DIAPH1: variants seen among roughly 807,000 people sequenced by gnomAD.
DIAPH1 encodes the protein protein diaphanous homolog 1.
Under a neutral mutation model 140.7 loss-of-function variants are expected in DIAPH1, and 46 were observed. The observed-to-expected ratio is 0.33, with a 90% CI of 0.26 to 0.42. The LOEUF is 0.42. DIAPH1 is among the 10% of genes least tolerant of loss of function. DIAPH1 has a pLI of 1.00. For synonymous variants in DIAPH1, 565 were observed against 551.6 expected (o/e 1.02, Z -0.34); for missense variants, 1,310 against 1,558.7 (o/e 0.84, Z 2.69).
At chr5:141,582,211 G>T in intron 7 of DIAPH1, 101 bp downstream of exon 7, 2 of 847,054 alleles carry the variant, frequency 2.4e-6, no homozygotes, top group Non-Finnish European at 4.1e-6. Flanking sequence ...AAAGCTAGAA[G>T]TCCTGAACCT....
In DIAPH1 at chr5:141,527,627, A is replaced by C. The variant is rs773708839; in HGVS notation, c.3219T>G (p.Val1073=). The part of the protein sequence containing the change: ...KKQISDVERD[V]QNFPAATDEK... ...CATCTGTGGCAGCTGGGAAATTCTG[A>C]ACATCACGTTCCACATCAGAAATTT... The change falls in exon 24 of 28, where the codon GTT becomes GTG. Residue 1073 remains valine (V), a synonymous_variant. Coordinates refer to ENST00000389054, the MANE Select transcript of DIAPH1 (RefSeq NM_005219.5). The C allele has an allele frequency of 1.9e-6, 3 of 1,612,782 alleles. No individual in the cohort carries two copies. The Admixed American group carries it at 5.0e-5, about 27-fold the overall frequency.
intron 23 of DIAPH1, among the ~76,000 whole-genome samples, chr5:141,528,099 ATGC>A (rs1377517462): frequency 3.3e-5 from 5 of 152,180 alleles, no homozygotes; most frequent in African/African-American, 1.2e-4. Flanking sequence ...TTTCCAGTGA[ATGC>A]TGCTTTTTCT....
At chr5:141,532,108 T>A (rs1314138972) in intron 19 of DIAPH1, among the ~76,000 whole-genome samples, 1 of 152,202 alleles carries the variant, frequency 6.6e-6, no homozygotes, top group Admixed American at 6.5e-5. Context: ...CACAATGTTA[T>A]CTCATGCTCT....
chr5:141,615,910 C>A (rs143689804), intron 1 of DIAPH1, among the ~76,000 whole-genome samples: 10 of 152,164 alleles, frequency 6.6e-5, no homozygotes, highest in African/African-American at 9.7e-5. Context: ...ATTCCCCTTA[C>A]GTATATTTTG....
intron 3 of DIAPH1, among the ~76,000 whole-genome samples, chr5:141,586,778 G>T (rs1037231941): frequency 1.2e-4 from 18 of 152,170 alleles, no homozygotes; most frequent in Non-Finnish European, 2.2e-4. Flanking sequence ...GGTCCACTAC[G>T]TCTTTGTGGC....
chr5:141,604,843 C>T (rs867974521), intron 1 of DIAPH1, among the ~76,000 whole-genome samples: 68 of 151,966 alleles, frequency 4.5e-4, no homozygotes, highest in African/African-American at 1.2e-3. Flanking sequence ...TTTTTTGGCC[C>T]GGTACACATT....
In DIAPH1 at chr5:141,560,889, T is replaced by TC. The variant is rs777202555; in HGVS notation, c.2482+10538dup. On this transcript the variant is annotated intron_variant, in intron 18 of 27. Coordinates refer to ENST00000389054, the MANE Select transcript of DIAPH1 (RefSeq NM_005219.5). ...GGTTTTCGTCATACTGCTGTTTTTT[T>TC]CCCTTCTTTGTTCCTGAGGTGGAAG... is the stretch of plus-strand genomic sequence containing the variant. The TC allele has an allele frequency of 1.5e-3, 671 of 453,580 alleles. 1 individual carries two copies. The highest frequency in any genetic ancestry group is 2.1e-3 in the South Asian group (134 of 64,278). 28.1% of individuals were successfully genotyped at this position (453,580 alleles called of 1,614,324 possible).
intron 18 of DIAPH1, among the ~76,000 whole-genome samples, chr5:141,539,537 TG>T: frequency 6.6e-6 from 1 of 151,548 alleles, no homozygotes. Context: ...CCCAAAGTGC[TG>T]GGATTACAGG....
intron 18 of DIAPH1, among the ~76,000 whole-genome samples, chr5:141,558,071 TC>T (rs1395747996): frequency 6.6e-6 from 1 of 152,124 alleles, no homozygotes; most frequent in East Asian, 1.9e-4. Flanking sequence ...TGTTTTATGT[TC>T]TTCACTACTT....
intron 19 of DIAPH1, among the ~76,000 whole-genome samples, chr5:141,533,817 T>A (rs916139825): frequency 6.6e-6 from 1 of 152,120 alleles, no homozygotes; most frequent in Non-Finnish European, 1.5e-5. Flanking sequence ...GCTGGGCAGA[T>A]CACCTGAGCC....
intron 3 of DIAPH1, 63 bp downstream of exon 3, chr5:141,586,979 A>G (rs1345126878): frequency 4.4e-6 from 7 of 1,582,192 alleles, no homozygotes; most frequent in Admixed American, 1.7e-5. Context: ...TATGCACCAA[A>G]AAGAGCCCAC....
At chr5:141,555,609 C>A (rs971680627) in intron 18 of DIAPH1, among the ~76,000 whole-genome samples, 2 of 152,136 alleles carry the variant, frequency 1.3e-5, no homozygotes. Context: ...GTCCCTCACC[C>A]TAAAAACAAC....
intron 18 of DIAPH1, among the ~76,000 whole-genome samples, chr5:141,558,109 A>T (rs189628368): frequency 1.3e-5 from 2 of 152,326 alleles, no homozygotes; most frequent in Admixed American, 6.5e-5. Flanking sequence ...TCAGTCCTAC[A>T]GAGTCCAAGT....
chr5:141,568,446 A>G (rs2099894696), intron 18 of DIAPH1, among the ~76,000 whole-genome samples: 1 of 152,214 alleles, frequency 6.6e-6, no homozygotes, highest in South Asian at 2.1e-4. Context: ...AATTCAAAAT[A>G]TTCTCTGGCA....
At chr5:141,525,943 G>A in intron 26 of DIAPH1, 95 bp downstream of exon 26, 1 of 1,592,250 alleles carries the variant, frequency 6.3e-7, no homozygotes, top group East Asian at 2.2e-5. Flanking sequence ...TTGCCAGGAG[G>A]TGAGCTCAGA....
intron 27 of DIAPH1, among the ~76,000 whole-genome samples, chr5:141,517,245 GT>G (rs1014678167): frequency 6.6e-6 from 1 of 152,198 alleles, no homozygotes; most frequent in Non-Finnish European, 1.5e-5. Context: ...TTGCTTCCCT[GT>G]GTGAAAACAG....
chr5:141,615,479 C>A lies in DIAPH1; in HGVS notation c.117+3319G>T, dbSNP rs193046228. 3.8e-3 allele frequency among the ~76,000 whole-genome samples: 571 copies of A among 150,500 alleles called. 5 individuals carry two copies. Among genetic ancestry groups the A allele is most frequent in the Admixed American group, 0.011 (162 of 15,088 alleles). ...AAAAAGGGCCGCACGCGGTGGCTCA[C>A]GCCTGTAATCCCAGCACTTTGGGAG... is the stretch of plus-strand genomic sequence containing the variant. On this transcript the variant is annotated intron_variant, in intron 1 of 27. Coordinates refer to ENST00000389054, the MANE Select transcript of DIAPH1 (RefSeq NM_005219.5).
In DIAPH1 at chr5:141,565,915, G is replaced by A. The variant is rs1345894606; in HGVS notation, c.2482+5513C>T. ...CAGTTTTGTGGTATTCTCCAGCCAT[G>A]TTCAGTTGCACAGCTACAGGAGCAG... On this transcript the variant is annotated intron_variant, in intron 18 of 27. Transcript: ENST00000389054. This position sits in a 1 kb window ranked among gnomAD's most constrained non-coding sequence, Gnocchi z 4.3. Among the ~76,000 whole-genome samples the A allele has an allele frequency of 6.6e-6, 1 of 152,178 alleles. No individual in the cohort carries two copies. The highest frequency in any genetic ancestry group is 2.4e-5 in the African/African-American group (1 of 41,430).
Position 141,580,823 on chromosome 5 carries a change from C to T in DIAPH1, c.745G>A (p.Asp249Asn). 6.2e-7 allele frequency: 1 copy of T among 1,614,190 alleles called. No individual in the cohort carries two copies. The highest frequency in any genetic ancestry group is 8.5e-7 in the Non-Finnish European group (1 of 1,180,024). ...EGILLLVRAM[D>N]PAVPNMMIDA... Reference sequence around the variant, plus strand: ...ATCATCATGTTGGGAACAGCAGGATCCATGGCTCTGACCAGCAGTAGGATT... The same window carrying T: ...ATCATCATGTTGGGAACAGCAGGATTCATGGCTCTGACCAGCAGTAGGATT... The change falls in exon 8 of 28, where the codon GAT (aspartate) becomes AAT (asparagine). Residue 249 changes from aspartate (D) to asparagine (N), a missense_variant. Asp to Asn is a conservative substitution (Grantham distance 23). This residue lies in a region of DIAPH1 where 377 missense variants were observed against 497.1 expected (regional missense o/e 0.76). Transcript: ENST00000389054.
Sources: allele counts gnomAD v4.1 joint callset (sites outside exome capture counted in the v4.1 genomes callset), GRCh38; gene constraint gnomAD v4.1.1; regional missense constraint gnomAD v4.1.1; non-coding constraint Gnocchi (gnomAD v3.1); transcripts MANE v1.5; gene names NCBI Gene and HGNC (gene_info 2026-07-23, HGNC 2026-07-21).